TBC1D31: variants seen among roughly 807,000 people sequenced by gnomAD.
The protein encoded by TBC1D31 is WD repeat domain 67.
In TBC1D31, 99 loss-of-function variants were observed where a neutral mutation model predicts 132.9. The ratio of observed to expected loss-of-function variants is 0.74; its 90% CI spans 0.63 to 0.88. The LOEUF is 0.88. TBC1D31 is among the 40% of genes least tolerant of loss of function. The pLI is 0.00. For missense variants in TBC1D31, 1,134 were observed against 1,256.6 expected (o/e 0.90, Z 1.48); for synonymous variants, 385 against 419.4 (o/e 0.92, Z 1.00).
At chr8:123,103,319 A>T (rs776807872) in intron 7 of TBC1D31, 24 of 152,112 alleles carry the variant, frequency 1.6e-4, no homozygotes, top group Non-Finnish European at 2.9e-4. Context: ...ACATTATAAT[A>T]TGTGCTATAT....
intron 10 of TBC1D31, among the ~76,000 whole-genome samples, chr8:123,113,030 G>A (rs1038930257): frequency 5.3e-5 from 8 of 152,120 alleles, no homozygotes; most frequent in African/African-American, 1.9e-4. Context: ...GATGCCGAAG[G>A]AATTAAAAGA....
chr8:123,116,421 A>G (rs1482517142), intron 10 of TBC1D31, among the ~76,000 whole-genome samples: 1 of 152,202 alleles, frequency 6.6e-6, no homozygotes, highest in Non-Finnish European at 1.5e-5. Flanking sequence ...TAGAGACGAG[A>G]GCCAGGTTTC....
intron 2 of TBC1D31, among the ~76,000 whole-genome samples, chr8:123,079,926 T>C (rs1362121360): frequency 6.6e-6 from 1 of 152,246 alleles, no homozygotes; most frequent in Non-Finnish European, 1.5e-5. Flanking sequence ...CTATCTTCGA[T>C]AGCCTCTCCT....
At position 123,129,132 on chromosome 8, in the gene TBC1D31, G is replaced by C; in HGVS notation, c.2184G>C (p.Gln728His). 6.2e-7 allele frequency: 1 copy of C among 1,610,164 alleles called. No individual in the cohort carries two copies. Among genetic ancestry groups the C allele is most frequent in the East Asian group, 2.2e-5 (1 of 44,792 alleles). ...QQRVEDEAWY[Q>H]KQELLRKAEE... is the part of the protein sequence containing the mutation. ...GAGTTGAAGATGAAGCTTGGTACCA[G>C]AAACAGGAGCTGCTTCGTAAAGCTG... is the stretch of plus-strand genomic sequence containing the variant. The change falls in exon 15 of 22, where the codon CAG (glutamine) becomes CAC (histidine). Residue 728 changes from glutamine to histidine, a missense_variant. By Grantham distance (24) the Gln-to-His change is conservative. Transcript: ENST00000287380.
At chr8:123,111,089 A>C (rs1818391628) in intron 10 of TBC1D31, among the ~76,000 whole-genome samples, 1 of 150,582 alleles carries the variant, frequency 6.6e-6, no homozygotes, top group Non-Finnish European at 1.5e-5. Flanking sequence ...ATCTGAGTCA[A>C]GGTTTTTTTT....
intron 6 of TBC1D31, among the ~76,000 whole-genome samples, chr8:123,100,409 C>T (rs1817276859): frequency 6.6e-6 from 1 of 151,992 alleles, no homozygotes; most frequent in African/African-American, 2.4e-5. Context: ...AACCCCATCC[C>T]TATTGAAAAT....
the TBC1D31 span, among the ~76,000 whole-genome samples, chr8:123,157,903 C>A: frequency 6.6e-6 from 1 of 152,058 alleles, no homozygotes; most frequent in Non-Finnish European, 1.5e-5. Context: ...TTTCTGACTG[C>A]AGGACTGACT....
intron 4 of TBC1D31, among the ~76,000 whole-genome samples, chr8:123,086,093 T>C (rs2129949622): frequency 6.6e-6 from 1 of 152,264 alleles, no homozygotes; most frequent in Non-Finnish European, 1.5e-5. Flanking sequence ...GTAGCTCCCA[T>C]TGTTATTTTG....
intron 3 of TBC1D31, 104 bp from the exon 4 acceptor site, chr8:123,084,058 T>A: frequency 2.1e-6 from 2 of 968,386 alleles, no homozygotes; most frequent in Non-Finnish European, 3.1e-6. Context: ...CCTCATATAA[T>A]ACCTAACCAC....
In TBC1D31 at chr8:123,140,818, T is replaced by A. The variant is rs778510309; in HGVS notation, c.2557T>A (p.Tyr853Asn). Residue 853 changes from tyrosine (Y) to asparagine (N), a missense_variant, in exon 18 of 22, where the codon TAT becomes AAT. Transcript: ENST00000287380. ...AGAAATGCGAGCAGATGCAGATGCC[T>A]ATAGACGAAAAGTGGATCTTGAAGA... ...AKEMRADADA[Y>N]RRKVDLEEHM... The A allele has an allele frequency of 1.4e-5, 23 of 1,613,438 alleles. No individual in the cohort carries two copies. The highest frequency in any genetic ancestry group is 1.9e-5 in the Non-Finnish European group (22 of 1,179,682).
At chr8:123,101,571 T>G (rs1166716504) in intron 7 of TBC1D31, among the ~76,000 whole-genome samples, 1 of 152,070 alleles carries the variant, frequency 6.6e-6, no homozygotes, top group Non-Finnish European at 1.5e-5. Context: ...CACGCCACCA[T>G]GCCCTGCTAA....
chr8:123,077,322 C>A, intron 2 of TBC1D31, 65 bp downstream of exon 2: 2 of 1,412,470 alleles, frequency 1.4e-6, no homozygotes, highest in Non-Finnish European at 1.9e-6. Flanking sequence ...TGTTTTCGTA[C>A]CTGCTATTCA....
At chr8:123,077,696 A>T (rs1468912923) in intron 2 of TBC1D31, among the ~76,000 whole-genome samples, 1 of 152,098 alleles carries the variant, frequency 6.6e-6, no homozygotes, top group Admixed American at 6.6e-5. Flanking sequence ...GGCAATGTAG[A>T]AATAACACAG....
At chr8:123,131,428 G>A (rs1820619671) in intron 16 of TBC1D31, among the ~76,000 whole-genome samples, 1 of 151,120 alleles carries the variant, frequency 6.6e-6, no homozygotes, top group Non-Finnish European at 1.5e-5. Context: ...ATAGATAGAG[G>A]AGTAATTATA....
intron 8 of TBC1D31, among the ~76,000 whole-genome samples, chr8:123,107,789 A>G (rs1263568684): frequency 6.6e-6 from 1 of 152,220 alleles, no homozygotes; most frequent in East Asian, 1.9e-4. Context: ...CAGTTCTAAA[A>G]AGTAGGTCAA....
At chr8:123,129,613 A>G (rs1820417948) in intron 15 of TBC1D31, among the ~76,000 whole-genome samples, 1 of 152,168 alleles carries the variant, frequency 6.6e-6, no homozygotes, top group Non-Finnish European at 1.5e-5. Flanking sequence ...GTAACATAGA[A>G]TGATTATGTC....
intron 11 of TBC1D31, among the ~76,000 whole-genome samples, chr8:123,123,915 T>TA (rs1819749827): frequency 6.6e-6 from 1 of 152,212 alleles, no homozygotes; most frequent in South Asian, 2.1e-4. Context: ...ATGGGGATTA[T>TA]AAATTGGCAT....
intron 20 of TBC1D31, 137 bp downstream of exon 20, chr8:123,144,992 T>C (rs1563757624): frequency 3.8e-6 from 3 of 782,554 alleles, no homozygotes; most frequent in Non-Finnish European, 5.8e-6. Flanking sequence ...GATGCAATCA[T>C]GGCTCAGTGC....
chr8:123,118,586 T>C (rs1002751983), intron 10 of TBC1D31, among the ~76,000 whole-genome samples: 2 of 151,786 alleles, frequency 1.3e-5, no homozygotes, highest in Admixed American at 6.6e-5. Flanking sequence ...AAAAAACATA[T>C]GCAAAACCTG....
Sources: gnomAD v4.1 joint callset for allele counts (sites outside exome capture counted in the v4.1 genomes callset) on GRCh38, gnomAD v4.1.1 for gene constraint, MANE v1.5 for transcripts, NCBI Gene and HGNC (gene_info 2026-07-23, HGNC 2026-07-21) for gene names.